Variants in PKHD1L1 observed in about 807,000 individuals in gnomAD.
The protein encoded by PKHD1L1 is fibrocystin-L.
A neutral mutation model predicts 462.9 loss-of-function variants in PKHD1L1; 434 were observed. That is an observed-to-expected ratio of 0.94 (90% CI 0.87 to 1.02). The LOEUF (loss-of-function observed/expected upper bound fraction) is 1.02, where lower values mean the gene tolerates loss of function less well. PKHD1L1 is among the 50% of genes least tolerant of loss of function. The pLI is 0.00. For missense variants in PKHD1L1, 5,202 were observed against 5,096.1 expected (o/e 1.02, Z -0.63); for synonymous variants, 1,781 against 1,750.0 (o/e 1.02, Z -0.44).
At position 109,375,850 on chromosome 8, in the gene PKHD1L1, G is replaced by A. The variant is rs539265746; in HGVS notation, c.164-5520G>A. Among the ~76,000 whole-genome samples, 242 of 152,274 alleles carry A rather than the reference G, an allele frequency of 1.6e-3. 1 individual carries two copies. The highest frequency in any genetic ancestry group is 5.4e-3 in the African/African-American group (224 of 41,570). ...GAACCGCAGATGCTGCTGCCTGATCGTTCCTCTGGAAGTTTTGTCTCAGAG... is the reference window on the plus strand; with the variant it reads ...GAACCGCAGATGCTGCTGCCTGATCATTCCTCTGGAAGTTTTGTCTCAGAG... On this transcript the variant is annotated intron_variant, in intron 2 of 77. Coordinates refer to ENST00000378402, the MANE Select transcript of PKHD1L1 (RefSeq NM_177531.6).
At chr8:109,495,745 A>G (rs1304202812) in intron 63 of PKHD1L1, among the ~76,000 whole-genome samples, 2 of 152,186 alleles carry the variant, frequency 1.3e-5, no homozygotes, top group Non-Finnish European at 2.9e-5. Flanking sequence ...AGAAGGGAAA[A>G]TCAGCAGAAG....
chr8:109,520,823 G>A (rs183609895), intron 73 of PKHD1L1, among the ~76,000 whole-genome samples: 42 of 152,236 alleles, frequency 2.8e-4, no homozygotes, highest in Admixed American at 1.4e-3. Flanking sequence ...TAAGGTCTTT[G>A]GTTTCTAGAT....
At chr8:109,471,214 G>T in intron 50 of PKHD1L1, 3 of 737,012 alleles carry the variant, frequency 4.1e-6, no homozygotes, top group Non-Finnish European at 6.2e-6. Context: ...GAATCAGATG[G>T]TGTCATTTAG....
In PKHD1L1 at chr8:109,448,190, G is replaced by A. The variant is rs1216494164; in HGVS notation, c.5824G>A (p.Glu1942Lys). The change falls in exon 39 of 78, where the codon GAG (glutamate) becomes AAG (lysine). Residue 1942 changes from glutamate to lysine, a missense_variant. Coordinates refer to ENST00000378402, the MANE Select transcript of PKHD1L1 (RefSeq NM_177531.6). ...GATCACTGGATCCAACTTTGGCTTTGAGATCTTGGAAATCTCCGTGATGAT... is the reference window on the plus strand; with the variant it reads ...GATCACTGGATCCAACTTTGGCTTTAAGATCTTGGAAATCTCCGTGATGAT... ...IEITGSNFGFEILEISVMINN... is the reference protein window; with the variant it reads ...IEITGSNFGFKILEISVMINN... 1 of 1,610,346 alleles carries A rather than the reference G, an allele frequency of 6.2e-7. No homozygotes were observed. Among genetic ancestry groups the A allele is most frequent in the Non-Finnish European group, 8.5e-7 (1 of 1,178,482 alleles).
At position 109,444,881 on chromosome 8, in the gene PKHD1L1, C is replaced by T. The variant is rs1816033298; in HGVS notation, c.5012C>T (p.Thr1671Ile). The T allele has an allele frequency of 6.8e-6, 11 of 1,614,020 alleles. No homozygotes were observed. The highest frequency in any genetic ancestry group is 9.3e-6 in the Non-Finnish European group (11 of 1,179,898). The change falls in exon 38 of 78, where the codon ACT becomes ATT. Residue 1671 changes from threonine to isoleucine, a missense_variant. Transcript: ENST00000378402. ...IDLVLPNAGS[T>I]TGMTSVTIKG... ...CTGGTGTTGCCAAATGCAGGATCAA[C>T]TACAGGAATGACAAGCGTGACCATA...
In PKHD1L1 at chr8:109,444,695, A is replaced by G. The variant is rs781203763; in HGVS notation, c.4826A>G (p.Glu1609Gly). 2.7e-5 allele frequency: 43 copies of G among 1,613,776 alleles called. No individual in the cohort carries two copies. Among genetic ancestry groups the G allele is most frequent in the Non-Finnish European group, 3.6e-5 (42 of 1,179,794 alleles). ...TIGSYPCVVE[E>G]SSEDSITCHI... ...GGTAGCTACCCCTGTGTCGTAGAAG[A>G]AAGTAGTGAGGATTCAATTACATGT... Residue 1609 changes from glutamate (E) to glycine (G), a missense_variant, in exon 38 of 78, where the codon GAA (glutamate) becomes GGA (glycine). By Grantham distance (98) the Glu-to-Gly change is moderately conservative (BLOSUM62 -2). Transcript: ENST00000378402.
chr8:109,524,902 C>T lies in PKHD1L1; in HGVS notation c.12484+1516C>T, dbSNP rs538286620. 2.2e-4 allele frequency among the ~76,000 whole-genome samples: 34 copies of T among 151,512 alleles called. 1 individual carries two copies. The South Asian group carries it at 7.2e-3, about 32-fold the overall frequency. The stretch of plus-strand genomic sequence containing the variant: ...CCTCTCTGTTACCCTCTCCTTCTCC[C>T]CTCCCCTCTTCCTCTCTCTCTCCTC... On this transcript the variant is annotated intron_variant, in intron 76 of 77. Coordinates refer to ENST00000378402, the MANE Select transcript of PKHD1L1 (RefSeq NM_177531.6).
chr8:109,384,645 C>T (rs76161540), intron 5 of PKHD1L1, among the ~76,000 whole-genome samples: 1,537 of 150,188 alleles, frequency 0.01, 30 homozygotes, highest in African/African-American at 0.036. Flanking sequence ...CAACTGGTTT[C>T]CAGGGTTTCA....
chr8:109,437,154 T>C (rs913435608), intron 30 of PKHD1L1, among the ~76,000 whole-genome samples: 1 of 152,120 alleles, frequency 6.6e-6, no homozygotes, highest in Non-Finnish European at 1.5e-5. Flanking sequence ...GACCTTGTGA[T>C]CCACCCCCCT....
intron 67 of PKHD1L1, among the ~76,000 whole-genome samples, chr8:109,502,986 A>C (rs1433432213): frequency 6.6e-6 from 1 of 152,188 alleles, no homozygotes; most frequent in Non-Finnish European, 1.5e-5. Context: ...GGGAACTCTC[A>C]AGTGGCTAAA....
At chr8:109,520,617 C>G (rs1477953505) in intron 73 of PKHD1L1, among the ~76,000 whole-genome samples, 2 of 152,120 alleles carry the variant, frequency 1.3e-5, no homozygotes, top group Admixed American at 6.6e-5. Context: ...GAGAACCCTA[C>G]AACTTGGTGA....
At chr8:109,433,250 T>C in intron 28 of PKHD1L1, 34 bp downstream of exon 28, 1 of 1,474,258 alleles carries the variant, frequency 6.8e-7, no homozygotes, top group South Asian at 1.2e-5. Flanking sequence ...AGTCTAATTG[T>C]TCTTCTCTAA....
At position 109,439,233 on chromosome 8, in the gene PKHD1L1, G is replaced by A. The variant is rs73700890; in HGVS notation, c.3956+141G>A. 6,532 of 736,420 alleles carry A rather than the reference G, an allele frequency of 8.9e-3. 67 individuals are homozygous for A. Among genetic ancestry groups the A allele is most frequent in the Middle Eastern group, 0.037 (107 of 2,886 alleles). 45.6% of individuals were successfully genotyped at this position (736,420 alleles called of 1,614,324 possible). On this transcript the variant is annotated intron_variant, in intron 32 of 77. Transcript: ENST00000378402. Reference sequence around the variant, plus strand: ...TATATCTTCTTTGGCAAAAGATGCCGAGAATATCTCATACAACTGCAATAT... The same window carrying A: ...TATATCTTCTTTGGCAAAAGATGCCAAGAATATCTCATACAACTGCAATAT...
intron 58 of PKHD1L1, among the ~76,000 whole-genome samples, chr8:109,485,902 C>G (rs1563598123): frequency 6.6e-6 from 1 of 151,848 alleles, no homozygotes; most frequent in Non-Finnish European, 1.5e-5. Flanking sequence ...TTCTTTAAAT[C>G]ATAAAGAAAA....
At chr8:109,429,539 GTGAAACAGGAGGTTTGACTTC>G (rs1490231496) in intron 26 of PKHD1L1, 77 bp downstream of exon 26, 316 of 1,370,572 alleles carry the variant, frequency 2.3e-4, no homozygotes, top group Non-Finnish European at 3.0e-4. Flanking sequence ...TAAAGACCTG[GTGAAACAGGAGGTTTGACTTC>G]TGTATTTCAT....
chr8:109,440,585 A>C, intron 32 of PKHD1L1, 125 bp from the exon 33 acceptor site: 1 of 761,438 alleles, frequency 1.3e-6, no homozygotes, highest in Non-Finnish European at 2.0e-6. Flanking sequence ...GTCTATCTTG[A>C]AAAAGTAATG....
chr8:109,400,456 A>T (rs1422404833), intron 13 of PKHD1L1, 112 bp downstream of exon 13: 2 of 1,255,700 alleles, frequency 1.6e-6, no homozygotes, highest in Non-Finnish European at 2.2e-6. Context: ...ATGAGAAATG[A>T]TGTCATGTGG....
chr8:109,479,782 C>A, intron 54 of PKHD1L1, 143 bp downstream of exon 54: 1 of 818,954 alleles, frequency 1.2e-6, no homozygotes, highest in Non-Finnish European at 1.9e-6. Context: ...ATCCCGGATA[C>A]TAAACCTAGC....
rs200619099 is a variant in PKHD1L1, at chr8:109,442,126, G to C, written c.4324G>C (p.Val1442Leu). ...AGGGATAGGATATAGGATTTTTTCT[G>C]TCTCCAGTCCTGGAAGTGTAATTTA... ...LRGIGYRIFS[V>L]SSPGSVIYDG... The change falls in exon 35 of 78, where the codon GTC becomes CTC. Residue 1442 changes from valine (V) to leucine (L), a missense_variant. Coordinates refer to ENST00000378402, the MANE Select transcript of PKHD1L1 (RefSeq NM_177531.6). 5.6e-6 allele frequency: 9 copies of C among 1,613,368 alleles called. No homozygotes were observed. The Admixed American group carries it at 1.3e-4, about 24-fold the overall frequency.
Sources: allele counts gnomAD v4.1 joint callset (sites outside exome capture counted in the v4.1 genomes callset), GRCh38; gene constraint gnomAD v4.1.1; transcripts MANE v1.5; gene names NCBI Gene and HGNC (gene_info 2026-07-23, HGNC 2026-07-21).